The following GSE1 variants were observed in gnomAD, a reference collection of about 807,000 sequenced individuals.
The protein encoded by GSE1 is Gse1 coiled-coil protein, also known as genetic suppressor element 1.
Under a neutral mutation model 112.6 loss-of-function variants are expected in GSE1, and 32 were observed. The ratio of observed to expected loss-of-function variants is 0.28; its 90% CI spans 0.21 to 0.38. The LOEUF is 0.38. Among genes scored for constraint, GSE1 ranks in the 10% least tolerant of loss-of-function variants. GSE1 has a pLI of 1.00. For synonymous variants in GSE1, 1,115 were observed against 735.6 expected, an observed-to-expected ratio of 1.52 and a Z score of -8.35; for missense variants, 2,348 against 1,699.2, an observed-to-expected ratio of 1.38 and a Z score of -6.71.
intron 1 of GSE1, among the ~76,000 whole-genome samples, chr16:85,236,313 G>A (rs776833795): frequency 6.6e-6 from 1 of 152,214 alleles, no homozygotes; most frequent in Non-Finnish European, 1.5e-5. Context: ...TGACTTCTGT[G>A]TAAAAGTCAA....
At chr16:85,388,264 C>G (rs1171625849) in intron 2 of GSE1, among the ~76,000 whole-genome samples, 9 of 76,704 alleles carry the variant, frequency 1.2e-4, no homozygotes, top group Admixed American at 2.7e-4. Flanking sequence ...GGATGTATGG[C>G]TGGATGGATG....
intron 2 of GSE1, among the ~76,000 whole-genome samples, chr16:85,370,838 GC>G (rs1955495454): frequency 6.6e-6 from 1 of 152,220 alleles, no homozygotes; most frequent in Non-Finnish European, 1.5e-5. Flanking sequence ...GGTTTTCTCT[GC>G]TGCCCACGGA....
intron 1 of GSE1, among the ~76,000 whole-genome samples, chr16:85,559,526 A>G (rs1219623509): frequency 5.3e-5 from 8 of 152,192 alleles, no homozygotes; most frequent in Non-Finnish European, 1.2e-4. Flanking sequence ...TGCAGGGAGC[A>G]AGGGCCCAGA....
Position 85,627,212 on chromosome 16 carries a change from C to A in GSE1, c.8-6702C>A, listed in dbSNP as rs192296235. 4.5e-3 allele frequency among the ~76,000 whole-genome samples: 674 copies of A among 151,314 alleles called. 1 individual carries two copies. The highest frequency in any genetic ancestry group is 0.016 in the African/African-American group (644 of 41,180). On this transcript the variant is annotated intron_variant, in intron 1 of 15. Coordinates refer to ENST00000253458, the MANE Select transcript of GSE1 (RefSeq NM_014615.5). ...CCGGGGGCGGTGGTCTTTGCTTCCC[C>A]AGACCTTTCCTGTCTGTGAAATGGT...
At position 85,179,198 on chromosome 16, in the gene GSE1, C is replaced by T. The variant is rs547099208; in HGVS notation, c.2283+7391C>T. ...CCCACCCCTGGCACCCACTCGTCTG[C>T]CCTCTGTCTTTATGGATCTGCCCGT... On this transcript the variant is annotated intron_variant, in intron 1 of 2. Coordinates refer to the GSE1 transcript ENST00000637419. Among the ~76,000 whole-genome samples the T allele has an allele frequency of 5.3e-5, 8 of 152,252 alleles. No individual in the cohort carries two copies. The South Asian group carries it at 1.7e-3, about 32-fold the overall frequency.
chr16:85,590,448 TGTGA>T (rs2046951213), intron 1 of GSE1, among the ~76,000 whole-genome samples: 1 of 142,292 alleles, frequency 7.0e-6, no homozygotes, highest in Non-Finnish European at 1.6e-5. Context: ...TGTGAGCATG[TGTGA>T]TTGTGTGAGC....
At chr16:85,304,865 C>T (rs964481421) in intron 1 of GSE1, among the ~76,000 whole-genome samples, 1 of 152,176 alleles carries the variant, frequency 6.6e-6, no homozygotes, top group Non-Finnish European at 1.5e-5. Context: ...TTACCTGTGA[C>T]AACTCTAACC....
chr16:85,478,028 C>T (rs1408058961), intron 2 of GSE1, among the ~76,000 whole-genome samples: 2 of 152,162 alleles, frequency 1.3e-5, no homozygotes, highest in African/African-American at 4.8e-5. Flanking sequence ...ACTCCGCGCT[C>T]CTCATTTCTG....
intron 1 of GSE1, among the ~76,000 whole-genome samples, chr16:85,330,776 G>A (rs144528154): frequency 6.6e-6 from 1 of 152,340 alleles, no homozygotes; most frequent in East Asian, 1.9e-4. Context: ...ATAAATGTCA[G>A]TGGCCAAGCA....
chr16:85,661,840 C>G (rs575452682), intron 9 of GSE1, 75 bp downstream of exon 9: 2 of 1,363,986 alleles, frequency 1.5e-6, no homozygotes, highest in East Asian at 2.5e-5. Context: ...ATGCCAGCCA[C>G]CTGCCCCTCT....
intron 1 of GSE1, among the ~76,000 whole-genome samples, chr16:85,631,539 C>T (rs1567682046): frequency 1.3e-5 from 2 of 152,220 alleles, no homozygotes; most frequent in African/African-American, 4.8e-5. Context: ...AGCATGGGTC[C>T]CATTTGCTGA....
chr16:85,656,695 C>T (rs2051986790), intron 7 of GSE1, 30 bp downstream of exon 7: 2 of 1,469,010 alleles, frequency 1.4e-6, no homozygotes, highest in South Asian at 1.4e-5. Flanking sequence ...CTGTGCTGGG[C>T]AAGGTCTCAG....
At chr16:85,394,813 G>T (rs549570441) in intron 2 of GSE1, among the ~76,000 whole-genome samples, 1 of 151,940 alleles carries the variant, frequency 6.6e-6, no homozygotes, top group South Asian at 2.1e-4. Context: ...AGGCTTCCTC[G>T]GGCATCCCCC....
At chr16:85,243,622 A>G (rs930607562) in intron 1 of GSE1, among the ~76,000 whole-genome samples, 72 of 152,178 alleles carry the variant, frequency 4.7e-4, no homozygotes, top group Admixed American at 4.7e-3. Flanking sequence ...AAGAGCTCCC[A>G]GAGATGTTGT....
chr16:85,507,115 G>T (rs992996229), intron 2 of GSE1, among the ~76,000 whole-genome samples: 8 of 152,208 alleles, frequency 5.3e-5, no homozygotes, highest in Non-Finnish European at 1.0e-4. Flanking sequence ...TGGCTGAGAA[G>T]ATCCATCAGC....
At chr16:85,516,026 G>A (rs529121532) in intron 2 of GSE1, among the ~76,000 whole-genome samples, 14 of 152,312 alleles carry the variant, frequency 9.2e-5, no homozygotes, top group African/African-American at 3.4e-4. Flanking sequence ...CCAGTGCCTG[G>A]CAGCAGCCGA....
chr16:85,530,790 G>A (rs578116404), intron 2 of GSE1, among the ~76,000 whole-genome samples: 1 of 152,380 alleles, frequency 6.6e-6, no homozygotes, highest in South Asian at 2.1e-4. Flanking sequence ...TGAGATAGTT[G>A]GGTGTCATCG....
At chr16:85,193,098 C>A (rs1193150813) in intron 1 of GSE1, among the ~76,000 whole-genome samples, 1 of 152,142 alleles carries the variant, frequency 6.6e-6, no homozygotes, top group Non-Finnish European at 1.5e-5. Flanking sequence ...ACAGTGTACC[C>A]AGCCATCGGA....
At chr16:85,576,145 T>G (rs1326933784) in intron 1 of GSE1, among the ~76,000 whole-genome samples, 2 of 152,228 alleles carry the variant, frequency 1.3e-5, no homozygotes, top group African/African-American at 4.8e-5. Context: ...AGTATGGAAT[T>G]AGACATTTAA....
Sources: gnomAD v4.1 joint callset for allele counts (sites outside exome capture counted in the v4.1 genomes callset) on GRCh38, gnomAD v4.1.1 for gene constraint, MANE v1.5 for transcripts, NCBI Gene and HGNC (gene_info 2026-07-23, HGNC 2026-07-21) for gene names.